Variants in CCDC33 observed in about 807,000 individuals in gnomAD.
The protein encoded by CCDC33 is coiled-coil domain containing 33.
A neutral mutation model predicts 91.9 loss-of-function variants in CCDC33; 94 were observed. That is an observed-to-expected ratio of 1.02 (90% CI 0.87 to 1.21). The LOEUF is 1.21. Among genes scored for constraint, CCDC33 ranks in the 50% most tolerant of loss-of-function variants. The probability of loss-of-function intolerance (pLI) is 0.00; values close to 1 mark genes in which losing one functional copy is unlikely to be tolerated. For synonymous variants in CCDC33, 396 were observed against 374.5 expected, an observed-to-expected ratio of 1.06 and a Z score of -0.66; for missense variants, 940 against 935.5, an observed-to-expected ratio of 1.00 and a Z score of -0.06.
In CCDC33 at chr15:74,335,842, C is replaced by T; in HGVS notation, c.2140-83C>T. 3 of 1,070,064 alleles carry T rather than the reference C, an allele frequency of 2.8e-6. No individual in the cohort carries two copies. The Admixed American group carries it at 5.7e-5, about 20-fold the overall frequency. The allele number at this position is 1,070,064 out of a possible 1,614,324, so 66.3% of individuals were successfully genotyped here. On this transcript the variant is annotated intron_variant, in intron 18 of 18. Transcript: ENST00000398814. ...CACTGGATTCTGGATACTCTGAGGC[C>T]TGGTTTGTCAGGCAATATGCCCTTG... is the stretch of plus-strand genomic sequence containing the variant.
chr15:74,206,098 A>C (rs2074255922), intron 1 of CCDC33, among the ~76,000 whole-genome samples: 1 of 152,100 alleles, frequency 6.6e-6, no homozygotes, highest in Non-Finnish European at 1.5e-5. Context: ...GAGATTCTCC[A>C]GTTGTGAACT....
rs1248738285 is a variant in CCDC33, at chr15:74,244,784, T to C, written c.185+636T>C. Among the ~76,000 whole-genome samples the C allele has an allele frequency of 6.6e-6, 1 of 152,194 alleles. No individual in the cohort carries two copies. The highest frequency in any genetic ancestry group is 1.5e-5 in the Non-Finnish European group (1 of 68,036). ...GCGCCAAGGGGCAACACAATCTCCA[T>C]CCAGCCAACCTTCGCTGGGGACACT... is the stretch of plus-strand genomic sequence containing the variant. On this transcript the variant is annotated intron_variant, in intron 2 of 18. Transcript: ENST00000398814. This position sits in a 1 kb window ranked among gnomAD's most constrained non-coding sequence, Gnocchi z 4.2.
intron 1 of CCDC33, among the ~76,000 whole-genome samples, chr15:74,205,216 A>C (rs116084192): frequency 0.028 from 4,242 of 152,262 alleles, 60 homozygotes; most frequent in African/African-American, 0.045. Context: ...GGGAGGTACC[A>C]GTTGGGCACT....
At chr15:74,317,691 C>A (rs151000336) in intron 11 of CCDC33, among the ~76,000 whole-genome samples, 1 of 152,126 alleles carries the variant, frequency 6.6e-6, no homozygotes. Flanking sequence ...AGGTGGAGGG[C>A]CCTATCATGA....
chr15:74,312,834 C>G (rs933242318), intron 11 of CCDC33, among the ~76,000 whole-genome samples: 1 of 152,116 alleles, frequency 6.6e-6, no homozygotes, highest in African/African-American at 2.4e-5. Flanking sequence ...CTTCACCTCC[C>G]CCTCAACACC....
intron 7 of CCDC33, among the ~76,000 whole-genome samples, chr15:74,275,033 C>T (rs1267786464): frequency 2.0e-5 from 3 of 152,232 alleles, no homozygotes; most frequent in South Asian, 2.1e-4. Context: ...CAGTCAGCAG[C>T]GTGAGCTCAG....
rs1487875671 is a variant in CCDC33 at position 74,241,233 on chromosome 15, AG to A, written c.22-2746del. Among the ~76,000 whole-genome samples, 22 of 151,010 alleles carry A rather than the reference AG, an allele frequency of 1.5e-4. No individual in the cohort carries two copies. In the South Asian group the frequency reaches 4.4e-3, roughly 30 times the overall value. ...TGGCCTCCTCAGTCAGAGGAAGGAG[AG>A]GGGGGCCTCTCTGCAGGACTGGCAC... On this transcript the variant is annotated intron_variant, in intron 1 of 18. Coordinates refer to ENST00000398814, the MANE Select transcript of CCDC33 (RefSeq NM_025055.5).
At chr15:74,267,493 C>CAAGCAATGATAGGCAAGGTT (rs2076198271) in intron 4 of CCDC33, among the ~76,000 whole-genome samples, 1 of 151,328 alleles carries the variant, frequency 6.6e-6, no homozygotes, top group African/African-American at 2.5e-5. Flanking sequence ...TGTCCTCCCT[C>CAAGCAATGATAGGCAAGGTT]CTAGTGCTGA....
At chr15:74,214,217 C>T (rs2074393825), upstream of CCDC33, among the ~76,000 whole-genome samples, 1 of 151,996 alleles carries the variant, frequency 6.6e-6, no homozygotes. Flanking sequence ...CCTGGCTCTT[C>T]CAAACAAAGC....
At chr15:74,213,642 G>A (rs541858114), upstream of CCDC33, among the ~76,000 whole-genome samples, 7 of 152,314 alleles carry the variant, frequency 4.6e-5, no homozygotes, top group African/African-American at 1.4e-4. Context: ...CTCCGTGTTC[G>A]GGGTTCCAGT....
intron 11 of CCDC33, among the ~76,000 whole-genome samples, chr15:74,326,807 G>A (rs2060318709): frequency 6.6e-6 from 1 of 152,130 alleles, no homozygotes; most frequent in Non-Finnish European, 1.5e-5. Context: ...GGCTGGAGGG[G>A]AGGGATTGGA....
At chr15:74,220,198 G>A (rs929342090) in intron 2 of CCDC33, among the ~76,000 whole-genome samples, 2 of 152,160 alleles carry the variant, frequency 1.3e-5, no homozygotes, top group African/African-American at 2.4e-5. Context: ...GGATAACTAC[G>A]AGGATGACCA....
At chr15:74,291,759 G>A (rs2059588937) in intron 10 of CCDC33, among the ~76,000 whole-genome samples, 1 of 152,234 alleles carries the variant, frequency 6.6e-6, no homozygotes, top group Non-Finnish European at 1.5e-5. Flanking sequence ...TGGGTAGGAG[G>A]AAGGCAGAGG....
intron 16 of CCDC33, chr15:74,333,343 A>C (rs185151344): frequency 1.3e-6 from 2 of 1,546,576 alleles, no homozygotes; most frequent in East Asian, 4.8e-5. Context: ...CAGGGCCCAG[A>C]AATGCCCAGG....
At chr15:74,318,233 G>A (rs2060132738) in intron 11 of CCDC33, among the ~76,000 whole-genome samples, 1 of 152,092 alleles carries the variant, frequency 6.6e-6, no homozygotes, top group African/African-American at 2.4e-5. Context: ...AGGAGGCAGA[G>A]AAAGTGGAGA....
intron 7 of CCDC33, among the ~76,000 whole-genome samples, chr15:74,275,107 G>T (rs934943747): frequency 7.9e-5 from 12 of 152,214 alleles, no homozygotes; most frequent in Admixed American, 7.2e-4. Flanking sequence ...ACACTTGAGG[G>T]GGTGGGATTG....
At chr15:74,215,874 C>CAAA (rs55927800), upstream of CCDC33, among the ~76,000 whole-genome samples, 1 of 27,912 alleles carries the variant, frequency 3.6e-5, no homozygotes, top group Non-Finnish European at 9.9e-5. Flanking sequence ...TCGATCTCAC[C>CAAA]AAAAAAAAAA....
rs2075450210 is a variant in CCDC33, at chr15:74,244,345, G to A, written c.185+197G>A. ...TGCTCACCAGGGCTGGGGAAGACAG[G>A]GTGCCAACGGATCCAGAGAGTCACC... On this transcript the variant is annotated intron_variant, in intron 2 of 18. Transcript: ENST00000398814. This position sits in a 1 kb window ranked among gnomAD's most constrained non-coding sequence, Gnocchi z 4.2. 6.6e-6 allele frequency among the ~76,000 whole-genome samples: 1 copy of A among 152,152 alleles called. No homozygotes were observed. The highest frequency in any genetic ancestry group is 1.5e-5 in the Non-Finnish European group (1 of 68,020).
At chr15:74,306,581 CA>C (rs200345441) in intron 11 of CCDC33, among the ~76,000 whole-genome samples, 1,632 of 152,294 alleles carry the variant, frequency 0.011, 17 homozygotes, top group Middle Eastern at 0.051. Context: ...GGGGTCTCAC[CA>C]AAAGGCACTG....
Sources: gnomAD v4.1 joint callset for allele counts (sites outside exome capture counted in the v4.1 genomes callset) on GRCh38, gnomAD v4.1.1 for gene constraint, Gnocchi (gnomAD v3.1) non-coding constraint, MANE v1.5 for transcripts, NCBI Gene and HGNC (gene_info 2026-07-23, HGNC 2026-07-21) for gene names.